IPCEF1: variants seen among roughly 807,000 people sequenced by gnomAD.
The protein encoded by IPCEF1 is interactor protein for cytohesin exchange factors 1.
In IPCEF1, 31 loss-of-function variants were observed where a neutral mutation model predicts 50.9. The observed-to-expected ratio is 0.61, with a 90% CI of 0.46 to 0.82. The LOEUF is 0.82. Among genes scored for constraint, IPCEF1 ranks in the 40% least tolerant of loss-of-function variants. IPCEF1 has a pLI of 0.00. For missense variants in IPCEF1, 458 were observed against 514.0 expected (o/e 0.89, Z 1.05); for synonymous variants, 181 against 192.0 (o/e 0.94, Z 0.47).
At chr6:154,326,376 G>A (rs1783520571) in intron 1 of IPCEF1, among the ~76,000 whole-genome samples, 1 of 152,114 alleles carries the variant, frequency 6.6e-6, no homozygotes, top group African/African-American at 2.4e-5. Flanking sequence ...CAAAGTCACA[G>A]GATACAAAAT....
intron 2 of IPCEF1, among the ~76,000 whole-genome samples, chr6:154,269,585 C>T (rs908146159): frequency 2.6e-5 from 4 of 151,996 alleles, no homozygotes; most frequent in African/African-American, 9.7e-5. Flanking sequence ...ATCTTCTTGC[C>T]TCGGCATCCT....
At chr6:154,332,927 T>G (rs1783705938) in intron 1 of IPCEF1, among the ~76,000 whole-genome samples, 1 of 152,194 alleles carries the variant, frequency 6.6e-6, no homozygotes, top group Non-Finnish European at 1.5e-5. Context: ...GCAGGCCTGA[T>G]GGAAACGCTA....
chr6:154,266,468 CATAAG>C (rs1211876655), intron 2 of IPCEF1, among the ~76,000 whole-genome samples: 4 of 151,006 alleles, frequency 2.6e-5, no homozygotes, highest in Admixed American at 1.3e-4. Flanking sequence ...AAGTTGAGTT[CATAAG>C]ATAAGCCAGA....
intron 1 of IPCEF1, among the ~76,000 whole-genome samples, chr6:154,322,765 A>T (rs1783416537): frequency 6.6e-6 from 1 of 151,862 alleles, no homozygotes; most frequent in Admixed American, 6.6e-5. Context: ...TGAGCCGGGG[A>T]GGTGGAGGTT....
intron 2 of IPCEF1, among the ~76,000 whole-genome samples, chr6:154,270,049 T>A (rs559084276): frequency 1.3e-5 from 2 of 152,336 alleles, no homozygotes; most frequent in East Asian, 3.9e-4. Flanking sequence ...TTTCTGAGAA[T>A]ATCAGTTTAA....
chr6:154,250,659 G>A (rs1173666654), intron 3 of IPCEF1, among the ~76,000 whole-genome samples: 1 of 152,228 alleles, frequency 6.6e-6, no homozygotes, highest in African/African-American at 2.4e-5. Context: ...CAGGTTACGG[G>A]TAACTGTTAT....
intron 1 of IPCEF1, among the ~76,000 whole-genome samples, chr6:154,303,787 T>C (rs574671719): frequency 3.0e-4 from 46 of 152,132 alleles, no homozygotes; most frequent in Non-Finnish European, 5.0e-4. Context: ...ACGAGGCATG[T>C]TGGTGCACCT....
intron 10 of IPCEF1, among the ~76,000 whole-genome samples, chr6:154,191,319 T>C (rs1042086140): frequency 6.6e-6 from 1 of 152,132 alleles, no homozygotes; most frequent in African/African-American, 2.4e-5. Flanking sequence ...ACTGTATTAG[T>C]GGATACATGA....
At chr6:154,179,396 T>C (rs747887814) in intron 10 of IPCEF1, among the ~76,000 whole-genome samples, 2 of 152,196 alleles carry the variant, frequency 1.3e-5, no homozygotes, top group Non-Finnish European at 2.9e-5. Context: ...CACTACATTA[T>C]TTCTCTTATC....
At chr6:154,335,707 A>G (rs775941784) in intron 1 of IPCEF1, among the ~76,000 whole-genome samples, 3 of 152,152 alleles carry the variant, frequency 2.0e-5, no homozygotes, top group Non-Finnish European at 4.4e-5. Flanking sequence ...GAGAAGATAC[A>G]ACCTGTTGAA....
At chr6:154,312,259 G>A (rs1212442797) in intron 1 of IPCEF1, among the ~76,000 whole-genome samples, 1 of 152,202 alleles carries the variant, frequency 6.6e-6, no homozygotes, top group Non-Finnish European at 1.5e-5. Flanking sequence ...TGGAACCTAA[G>A]AAAGTCAAAC....
chr6:154,264,011 C>CG lies in IPCEF1; in HGVS notation c.36+1900_36+1901insC, dbSNP rs909101970. On this transcript the variant is annotated intron_variant, in intron 3 of 11. Transcript: ENST00000367220. Reference sequence around the variant, plus strand: ...CTGGCCGGGCGGGGGGCTGACCCCCCCCACCTCCCTCCCAGACTGTAAATG... The same window carrying CG: ...CTGGCCGGGCGGGGGGCTGACCCCCCGCCACCTCCCTCCCAGACTGTAAATG... Among the ~76,000 whole-genome samples, 26 of 150,842 alleles carry CG rather than the reference C, an allele frequency of 1.7e-4. 1 individual carries two copies. The East Asian group carries it at 4.4e-3, about 25-fold the overall frequency.
intron 3 of IPCEF1, among the ~76,000 whole-genome samples, chr6:154,250,948 T>C (rs375448273): frequency 1.7e-3 from 257 of 152,284 alleles, no homozygotes; most frequent in African/African-American, 6.1e-3. Context: ...AATTCCTGAC[T>C]ATTTTAGAGC....
chr6:154,203,469 C>G (rs894424843), intron 9 of IPCEF1, among the ~76,000 whole-genome samples: 1 of 152,144 alleles, frequency 6.6e-6, no homozygotes, highest in Non-Finnish European at 1.5e-5. Context: ...ATACAGTCAG[C>G]CTTCTGTATC....
intron 1 of IPCEF1, among the ~76,000 whole-genome samples, chr6:154,320,248 A>G (rs1394924017): frequency 6.6e-6 from 1 of 152,250 alleles, no homozygotes; most frequent in Non-Finnish European, 1.5e-5. Flanking sequence ...AAATAAAAGG[A>G]ATAATCATTT....
chr6:154,284,606 G>C (rs574100806), intron 2 of IPCEF1, among the ~76,000 whole-genome samples: 9 of 152,198 alleles, frequency 5.9e-5, no homozygotes, highest in African/African-American at 2.2e-4. Flanking sequence ...TGGTGTTGCA[G>C]GATGGTGGAG....
At chr6:154,316,726 T>C (rs1783229053) in intron 1 of IPCEF1, among the ~76,000 whole-genome samples, 1 of 152,210 alleles carries the variant, frequency 6.6e-6, no homozygotes, top group South Asian at 2.1e-4. Context: ...TAACGATGTA[T>C]TGTATTCCTG....
intron 10 of IPCEF1, among the ~76,000 whole-genome samples, chr6:154,192,251 C>CCA (rs921696000): frequency 3.2e-4 from 49 of 151,886 alleles, no homozygotes; most frequent in African/African-American, 1.1e-3. Flanking sequence ...TCTCAATACC[C>CCA]CACACCCTCA....
At position 154,229,617 on chromosome 6, in the gene IPCEF1, A is replaced by G. The variant is rs556913458; in HGVS notation, c.247-6374T>C. Among the ~76,000 whole-genome samples, 128 of 151,972 alleles carry G rather than the reference A, an allele frequency of 8.4e-4. 1 individual carries two copies. In the South Asian group the frequency reaches 0.024, roughly 29 times the overall value. On this transcript the variant is annotated intron_variant, in intron 5 of 11. Coordinates refer to ENST00000367220, the MANE Select transcript of IPCEF1 (RefSeq NM_001130700.2). ...ATGATCTGCCTGCCTTGGCCTCCCAATGTGCTGGGATTACAGGCGTGAGCC... is the reference window on the plus strand; with the variant it reads ...ATGATCTGCCTGCCTTGGCCTCCCAGTGTGCTGGGATTACAGGCGTGAGCC...
Sources: allele counts gnomAD v4.1 joint callset (sites outside exome capture counted in the v4.1 genomes callset), GRCh38; gene constraint gnomAD v4.1.1; transcripts MANE v1.5; gene names NCBI Gene and HGNC (gene_info 2026-07-23, HGNC 2026-07-21).